Variants in GGT1 observed in about 807,000 individuals in gnomAD.
The protein encoded by GGT1 is gamma-glutamyltransferase 1.
A neutral mutation model predicts 56.0 loss-of-function variants in GGT1; 21 were observed. The observed-to-expected ratio is 0.38, with a 90% confidence interval of 0.27 to 0.54. The LOEUF is 0.54. GGT1 is among the 20% of genes least tolerant of loss of function. The probability of loss-of-function intolerance (pLI) is 0.82; values close to 1 mark genes in which losing one functional copy is unlikely to be tolerated. For missense variants in GGT1, 466 were observed against 787.0 expected, an observed-to-expected ratio of 0.59 and a Z score of 4.88; for synonymous variants, 238 against 342.6, an observed-to-expected ratio of 0.69 and a Z score of 3.37.
chr22:24,586,180 G>A, the GGT1 span: 1 of 1,613,728 alleles, frequency 6.2e-7, no homozygotes, highest in Non-Finnish European at 8.5e-7. Context: ...GCGTCAGTCG[G>A]TTGCCGTTGA....
chr22:24,606,519 C>T (rs1375077660), intron 1 of GGT1, among the ~76,000 whole-genome samples: 1 of 152,220 alleles, frequency 6.6e-6, no homozygotes, highest in African/African-American at 2.4e-5. Context: ...GCCAAATCCC[C>T]TGATGTTCCT....
chr22:24,588,150 G>A, the GGT1 span: 4 of 1,270,802 alleles, frequency 3.1e-6, no homozygotes, highest in African/African-American at 1.5e-5. Context: ...GAGAGTGCAG[G>A]TGTCAACCTG....
chr22:24,609,263 G>C (rs2046512085), intron 2 of GGT1: 1 of 152,218 alleles, frequency 6.6e-6, no homozygotes, highest in East Asian at 1.9e-4. Context: ...GCAGGCAGGG[G>C]CTGTGAGGGA....
chr22:24,592,119 G>T, upstream of GGT1: 1 of 369,962 alleles, frequency 2.7e-6, no homozygotes, highest in South Asian at 1.9e-5. Context: ...CTGCTGTAGG[G>T]GGTGGGGACG....
chr22:24,624,236 A>T (rs1191937916), intron 11 of GGT1: 1 of 980,036 alleles, frequency 1.0e-6, no homozygotes, highest in Non-Finnish European at 1.2e-6. Flanking sequence ...GGTGAGATGG[A>T]TGGGTGAAAG....
chr22:24,586,479 GACCT>G, the GGT1 span: 1 of 1,506,784 alleles, frequency 6.6e-7, no homozygotes, highest in Non-Finnish European at 9.0e-7. Context: ...CACAGACAGT[GACCT>G]GTCGGGAACA....
chr22:24,618,653 G>A (rs1230221253), intron 7 of GGT1, among the ~76,000 whole-genome samples: 1 of 152,174 alleles, frequency 6.6e-6, no homozygotes, highest in East Asian at 1.9e-4. Flanking sequence ...ACTACAAGGT[G>A]GAAGGAATCA....
chr22:24,594,384 CGTGTGTATGTGTGTGTGTGTGT>C (rs965309517), upstream of GGT1, among the ~76,000 whole-genome samples: 106 of 140,194 alleles, frequency 7.6e-4, no homozygotes, highest in African/African-American at 2.8e-3. Context: ...GCCAAGCACC[CGTGTGTATGTGTGTGTGTGTGT>C]GTGTGTGTGT....
At chr22:24,594,299 T>C (rs985222416), upstream of GGT1, among the ~76,000 whole-genome samples, 7 of 152,042 alleles carry the variant, frequency 4.6e-5, no homozygotes, top group Non-Finnish European at 1.0e-4. Flanking sequence ...GGAGCACGTG[T>C]TTAGCCTGTG....
chr22:24,588,684 G>A, the GGT1 span: 1 of 1,106,078 alleles, frequency 9.0e-7, no homozygotes, highest in Non-Finnish European at 1.1e-6. Context: ...CTTGCCACAG[G>A]GGGAGGAGGC....
chr22:24,601,562 T>A (rs2045782747), upstream of GGT1, among the ~76,000 whole-genome samples: 1 of 152,024 alleles, frequency 6.6e-6, no homozygotes, highest in Non-Finnish European at 1.5e-5. Flanking sequence ...GATACAGAGG[T>A]GGGGCAGATC....
chr22:24,599,037 G>A (rs552243272), upstream of GGT1, among the ~76,000 whole-genome samples: 4 of 152,340 alleles, frequency 2.6e-5, no homozygotes, highest in African/African-American at 9.6e-5. Flanking sequence ...ATAGTGCTGG[G>A]ATTACAAGAT....
At position 24,619,525 on chromosome 22, in the gene GGT1, C is replaced by T. The variant is rs1191668968; in HGVS notation, c.383-803C>T. ...CCAAGGCTGCAGTGAGCCATGATTG[C>T]ACCACTGCACTCCAGCTGGGACAAC... On this transcript the variant is annotated intron_variant, in intron 7 of 15. Coordinates refer to ENST00000400382, the MANE Select transcript of GGT1 (RefSeq NM_001288833.2). Among the ~76,000 whole-genome samples the T allele has an allele frequency of 4.6e-5, 7 of 152,068 alleles. No homozygotes were observed. The East Asian group carries it at 9.7e-4, about 21-fold the overall frequency.
At chr22:24,605,990 T>TA (rs1172045963) in intron 1 of GGT1, among the ~76,000 whole-genome samples, 2 of 40,598 alleles carry the variant, frequency 4.9e-5, no homozygotes, top group African/African-American at 2.3e-4. Flanking sequence ...TATATTATAT[T>TA]TATATAATTT....
At chr22:24,594,519 G>C (rs972389883), upstream of GGT1, among the ~76,000 whole-genome samples, 1 of 151,842 alleles carries the variant, frequency 6.6e-6, no homozygotes, top group Admixed American at 6.6e-5. Flanking sequence ...AGGGTGCTAG[G>C]CTCTGTCATC....
At chr22:24,588,503 G>T in the GGT1 span, 1 of 756,048 alleles carries the variant, frequency 1.3e-6, no homozygotes, top group Non-Finnish European at 2.1e-6. Context: ...CTGTGGCCTG[G>T]CACAGAGCCA....
At chr22:24,605,931 T>TATATATAATATATAATATTATATATA (rs2046237408) in intron 1 of GGT1, among the ~76,000 whole-genome samples, 1 of 74,814 alleles carries the variant, frequency 1.3e-5, no homozygotes, top group South Asian at 3.3e-4. Flanking sequence ...TATTATATAT[T>TATATATAATATATAATATTATATATA]ATATATAATA....
chr22:24,586,531 G>C, the GGT1 span: 1 of 1,073,286 alleles, frequency 9.3e-7, no homozygotes, highest in East Asian at 2.4e-5. Flanking sequence ...GATTCAAACT[G>C]TGTCTTTCGT....
intron 1 of GGT1, among the ~76,000 whole-genome samples, chr22:24,596,827 C>T (rs1018696996): frequency 6.3e-5 from 9 of 142,800 alleles, no homozygotes; most frequent in African/African-American, 2.1e-4. Flanking sequence ...ACAGGGGAAT[C>T]GCTTGAACCC....
Sources: gnomAD v4.1 joint callset for allele counts (sites outside exome capture counted in the v4.1 genomes callset) on GRCh38, gnomAD v4.1.1 for gene constraint, MANE v1.5 for transcripts, NCBI Gene and HGNC (gene_info 2026-07-23, HGNC 2026-07-21) for gene names.